MAGI1: variants seen among roughly 807,000 people sequenced by gnomAD.
MAGI1 encodes membrane-associated guanylate kinase, WW and PDZ domain-containing protein 1.
Under a neutral mutation model 139.9 loss-of-function variants are expected in MAGI1, and 58 were observed. The observed-to-expected ratio is 0.41, with a 90% confidence interval of 0.34 to 0.52. MAGI1 has a LOEUF of 0.52. Among genes scored for constraint, MAGI1 ranks in the 20% least tolerant of loss-of-function variants. MAGI1 has a pLI of 0.12. For missense variants in MAGI1, 1,874 were observed against 1,901.6 expected (o/e 0.99, Z 0.27); for synonymous variants, 812 against 737.9 (o/e 1.10, Z -1.63).
At chr3:65,705,858 A>G (rs1270098484) in intron 1 of MAGI1, among the ~76,000 whole-genome samples, 1 of 152,200 alleles carries the variant, frequency 6.6e-6, no homozygotes, top group Admixed American at 6.5e-5. Flanking sequence ...AGAGAATCTA[A>G]TGGAGTGTTA....
At chr3:65,405,758 C>T (rs1945283080) in intron 12 of MAGI1, among the ~76,000 whole-genome samples, 1 of 152,158 alleles carries the variant, frequency 6.6e-6, no homozygotes, top group African/African-American at 2.4e-5. Context: ...CCATGCCTGG[C>T]TAATTTTTGT....
intron 1 of MAGI1, among the ~76,000 whole-genome samples, chr3:65,773,710 G>A (rs766386106): frequency 4.6e-5 from 7 of 152,098 alleles, no homozygotes; most frequent in Non-Finnish European, 8.8e-5. Flanking sequence ...CCTACCTTCT[G>A]GAGAACATGG....
chr3:65,973,489 C>T (rs1013712493), intron 1 of MAGI1, among the ~76,000 whole-genome samples: 1 of 152,150 alleles, frequency 6.6e-6, no homozygotes, highest in East Asian at 1.9e-4. Flanking sequence ...GCTCTGTGTA[C>T]ACACAGGAGA....
At chr3:65,496,662 G>C (rs1952479682) in intron 2 of MAGI1, among the ~76,000 whole-genome samples, 1 of 152,176 alleles carries the variant, frequency 6.6e-6, no homozygotes, top group Non-Finnish European at 1.5e-5. Context: ...CACCAATGGA[G>C]GACAGAGAGC....
At chr3:65,431,741 C>A (rs920898627) in intron 10 of MAGI1, among the ~76,000 whole-genome samples, 2 of 151,930 alleles carry the variant, frequency 1.3e-5, no homozygotes, top group African/African-American at 4.8e-5. Flanking sequence ...AATCCTAGCA[C>A]TTTGGGAGGC....
intron 3 of MAGI1, among the ~76,000 whole-genome samples, chr3:65,487,092 T>C (rs761181323): frequency 8.5e-5 from 13 of 152,218 alleles, no homozygotes; most frequent in Non-Finnish European, 1.3e-4. Context: ...GGTTGCCAGA[T>C]GAAATGCAAG....
At chr3:65,747,751 G>A (rs909298421) in intron 1 of MAGI1, among the ~76,000 whole-genome samples, 3 of 152,238 alleles carry the variant, frequency 2.0e-5, no homozygotes, top group Admixed American at 2.0e-4. Context: ...GGCGTCCATG[G>A]AGACTCTACT....
chr3:65,886,346 A>C (rs1299043958), intron 1 of MAGI1, among the ~76,000 whole-genome samples: 2 of 152,222 alleles, frequency 1.3e-5, no homozygotes, highest in East Asian at 3.8e-4. Flanking sequence ...TTGGTACATC[A>C]AAGGGATTTT....
chr3:65,867,492 T>C (rs1468727687), intron 1 of MAGI1, among the ~76,000 whole-genome samples: 2 of 152,144 alleles, frequency 1.3e-5, no homozygotes, highest in Non-Finnish European at 1.5e-5. Flanking sequence ...CCTAGCACTG[T>C]GGGCGGCCGA....
intron 1 of MAGI1, among the ~76,000 whole-genome samples, chr3:65,797,383 T>C (rs1440610433): frequency 6.6e-6 from 1 of 152,216 alleles, no homozygotes; most frequent in African/African-American, 2.4e-5. Flanking sequence ...GATCTATGTA[T>C]GGCAACTGCT....
chr3:65,495,553 A>C (rs1033381711), intron 2 of MAGI1, among the ~76,000 whole-genome samples: 1 of 152,240 alleles, frequency 6.6e-6, no homozygotes, highest in Admixed American at 6.5e-5. Flanking sequence ...CTGGTGAACA[A>C]GACAAAGCTC....
At chr3:65,642,303 GC>G (rs2107248431) in intron 1 of MAGI1, among the ~76,000 whole-genome samples, 1 of 152,228 alleles carries the variant, frequency 6.6e-6, no homozygotes, top group South Asian at 2.1e-4. Flanking sequence ...TCTTGATCAA[GC>G]CCTTCAGTGC....
intron 1 of MAGI1, among the ~76,000 whole-genome samples, chr3:65,948,420 C>G (rs1423533950): frequency 6.6e-6 from 1 of 152,096 alleles, no homozygotes; most frequent in Non-Finnish European, 1.5e-5. Context: ...TTGCAATAGC[C>G]TAAATAAAAA....
intron 22 of MAGI1, chr3:65,360,233 A>G: frequency 1.0e-6 from 1 of 985,368 alleles, no homozygotes; most frequent in Non-Finnish European, 1.2e-6. Flanking sequence ...GTGATAATAG[A>G]TAAATCCCTA....
At position 65,820,280 on chromosome 3, in the gene MAGI1, G is replaced by A. The variant is rs141622884; in HGVS notation, c.314-198192C>T. On this transcript the variant is annotated intron_variant, in intron 1 of 22. Coordinates refer to ENST00000402939, the MANE Select transcript of MAGI1 (RefSeq NM_001033057.2). The stretch of plus-strand genomic sequence containing the variant: ...TTATCAGGGAGATCCTCAGAGAGGA[G>A]ACCCTGGTGCTTTTCTGCTACAGTT... Among the ~76,000 whole-genome samples the A allele has an allele frequency of 3.1e-3, 477 of 152,216 alleles. 1 individual carries two copies. The highest frequency in any genetic ancestry group is 0.011 in the African/African-American group (445 of 41,542).
At chr3:65,615,865 G>A (rs951572203) in intron 2 of MAGI1, among the ~76,000 whole-genome samples, 3 of 152,158 alleles carry the variant, frequency 2.0e-5, no homozygotes, top group African/African-American at 7.2e-5. Flanking sequence ...TGGTGAAATA[G>A]GAAACCACGT....
intron 1 of MAGI1, among the ~76,000 whole-genome samples, chr3:65,767,733 A>G (rs1398709786): frequency 6.6e-6 from 1 of 152,190 alleles, no homozygotes; most frequent in African/African-American, 2.4e-5. Context: ...ATTCACCAAA[A>G]CAAAATGAAA....
intron 14 of MAGI1, among the ~76,000 whole-genome samples, chr3:65,386,750 G>A (rs1943474864): frequency 6.6e-6 from 1 of 152,164 alleles, no homozygotes; most frequent in Admixed American, 6.5e-5. Flanking sequence ...AGAAAACCTT[G>A]TCCAATTTTC....
intron 1 of MAGI1, among the ~76,000 whole-genome samples, chr3:65,952,405 G>A (rs1479138816): frequency 6.6e-6 from 1 of 152,194 alleles, no homozygotes; most frequent in African/African-American, 2.4e-5. Context: ...AAAGGGAACA[G>A]GAAGAACAGC....
Sources: allele counts gnomAD v4.1 joint callset (sites outside exome capture counted in the v4.1 genomes callset), GRCh38; gene constraint gnomAD v4.1.1; transcripts MANE v1.5; gene names NCBI Gene and HGNC (gene_info 2026-07-23, HGNC 2026-07-21).